Variants in SETBP1 observed in about 807,000 individuals in gnomAD.
The protein encoded by SETBP1 is SET-binding protein.
In SETBP1, 9 loss-of-function variants were observed where a neutral mutation model predicts 101.0. That is an observed-to-expected ratio of 0.09 (90% CI 0.05 to 0.16). The LOEUF is 0.16. SETBP1 is among the 10% of genes least tolerant of loss of function. The pLI is 1.00. For missense variants in SETBP1, 1,858 were observed against 2,033.8 expected, an observed-to-expected ratio of 0.91 and a Z score of 1.66; for synonymous variants, 818 against 788.5, an observed-to-expected ratio of 1.04 and a Z score of -0.63.
intron 2 of SETBP1, among the ~76,000 whole-genome samples, chr18:44,860,782 G>A (rs961672768): frequency 5.9e-5 from 9 of 151,724 alleles, no homozygotes; most frequent in African/African-American, 1.5e-4. Flanking sequence ...AGAAAGGGAA[G>A]GCATTTTCCC....
chr18:44,719,861 G>C (rs1028189495), intron 2 of SETBP1, among the ~76,000 whole-genome samples: 1 of 152,202 alleles, frequency 6.6e-6, no homozygotes, highest in Non-Finnish European at 1.5e-5. Flanking sequence ...AGACAGTCCA[G>C]CTGTGGGGGT....
intron 3 of SETBP1, among the ~76,000 whole-genome samples, chr18:44,886,690 AC>A (rs989843080): frequency 6.6e-6 from 1 of 151,480 alleles, no homozygotes. Flanking sequence ...GAAAAAACTC[AC>A]CTTTGGGATT....
chr18:44,949,571 T>G (rs561437035), intron 3 of SETBP1, among the ~76,000 whole-genome samples: 1 of 152,228 alleles, frequency 6.6e-6, no homozygotes, highest in Non-Finnish European at 1.5e-5. Context: ...GTGACCTTTG[T>G]GTCCCCTCCC....
In SETBP1 at chr18:44,686,230, T is replaced by C. The variant is rs1488391777; in HGVS notation, c.-173+5209T>C. On this transcript the variant is annotated intron_variant, in intron 1 of 5. Coordinates refer to ENST00000649279, the MANE Select transcript of SETBP1 (RefSeq NM_015559.3). ...GTGTCCCTCCTTTTACCCTTTCTCA[T>C]GAGAGCTGGTTTGCCCTGCCTGGCA... 5.3e-5 allele frequency among the ~76,000 whole-genome samples: 8 copies of C among 152,358 alleles called. 2 individuals are homozygous for C. Among genetic ancestry groups the C allele is most frequent in the Admixed American group, 5.2e-4 (8 of 15,304 alleles).
At chr18:44,688,070 C>G (rs915677437) in intron 1 of SETBP1, among the ~76,000 whole-genome samples, 1 of 152,064 alleles carries the variant, frequency 6.6e-6, no homozygotes, top group African/African-American at 2.4e-5. Flanking sequence ...TGATGAAGCA[C>G]CTGGGAGCAT....
chr18:44,929,310 C>A (rs1026594965), intron 3 of SETBP1, among the ~76,000 whole-genome samples: 1 of 152,178 alleles, frequency 6.6e-6, no homozygotes, highest in East Asian at 1.9e-4. Context: ...GTTTTGGTAG[C>A]AGTACCATGC....
chr18:45,028,723 T>C (rs1414953577), intron 4 of SETBP1, among the ~76,000 whole-genome samples: 1 of 152,238 alleles, frequency 6.6e-6, no homozygotes, highest in Non-Finnish European at 1.5e-5. Flanking sequence ...TGAGATGGTA[T>C]CTCATTGTGG....
chr18:44,847,775 T>C (rs1391962407), intron 2 of SETBP1, among the ~76,000 whole-genome samples: 1 of 152,120 alleles, frequency 6.6e-6, no homozygotes, highest in Admixed American at 6.5e-5. Context: ...TTAGAGATCA[T>C]GCTACAAAGA....
At chr18:45,048,879 G>A (rs2073667138) in intron 5 of SETBP1, among the ~76,000 whole-genome samples, 1 of 146,744 alleles carries the variant, frequency 6.8e-6, no homozygotes, top group African/African-American at 2.5e-5. Context: ...GGCTGAGGCA[G>A]GAGAATGGCG....
chr18:44,849,718 C>A (rs1390869962), intron 2 of SETBP1, among the ~76,000 whole-genome samples: 2 of 152,138 alleles, frequency 1.3e-5, no homozygotes, highest in African/African-American at 4.8e-5. Context: ...ATCTTCATCA[C>A]TTTCTAACTG....
chr18:44,811,767 C>G (rs897325346), intron 2 of SETBP1, among the ~76,000 whole-genome samples: 2 of 152,202 alleles, frequency 1.3e-5, no homozygotes, highest in African/African-American at 4.8e-5. Context: ...GTGAGGACTA[C>G]AAGCCTGCCA....
In SETBP1 at chr18:45,060,954, C is replaced by T. The variant is rs140816027; in HGVS notation, c.4172-2125C>T. 8.5e-5 allele frequency among the ~76,000 whole-genome samples: 13 copies of T among 152,324 alleles called. No individual in the cohort carries two copies. In the East Asian group the frequency reaches 2.5e-3, roughly 29 times the overall value. On this transcript the variant is annotated intron_variant, in intron 5 of 5. Coordinates refer to ENST00000649279, the MANE Select transcript of SETBP1 (RefSeq NM_015559.3). ...TGATTTACTTTATACTTCTATATTA[C>T]ATGTCAGCAAGGTGATTTACTTTAT...
At position 45,063,947 on chromosome 18, in the gene SETBP1, A is replaced by ACGGCTGGATC. The variant is rs1183849427; in HGVS notation, c.*251_*260dup. On this transcript the variant is annotated 3_prime_UTR_variant, in exon 6 of 6. Coordinates refer to ENST00000649279, the MANE Select transcript of SETBP1 (RefSeq NM_015559.3). ...AGCTCCCACCACGCGGCGCTTCAGTACGGCTGGATCCTCCGCAGGCGAGCG... is the reference window on the plus strand; with the variant it reads ...AGCTCCCACCACGCGGCGCTTCAGTACGGCTGGATCCGGCTGGATCCTCCGCAGGCGAGCG... 1 of 434,348 alleles carries ACGGCTGGATC rather than the reference A, an allele frequency of 2.3e-6. No homozygotes were observed. The highest frequency in any genetic ancestry group is 2.1e-5 in the African/African-American group (1 of 48,524). 26.9% of individuals were successfully genotyped at this position (434,348 alleles called of 1,614,324 possible).
intron 3 of SETBP1, among the ~76,000 whole-genome samples, chr18:44,925,519 TCTC>T (rs941309991): frequency 2.6e-5 from 4 of 152,178 alleles, no homozygotes; most frequent in Admixed American, 2.6e-4. Flanking sequence ...TGTTTTCTGT[TCTC>T]CTTCCTTTCT....
chr18:44,923,600 G>T (rs992465279), intron 3 of SETBP1, among the ~76,000 whole-genome samples: 2 of 152,168 alleles, frequency 1.3e-5, no homozygotes, highest in Admixed American at 6.5e-5. Context: ...AAAAGTCAGG[G>T]TTATTCCATT....
At chr18:44,994,539 T>C (rs903290720) in intron 4 of SETBP1, among the ~76,000 whole-genome samples, 3 of 152,234 alleles carry the variant, frequency 2.0e-5, no homozygotes, top group African/African-American at 7.2e-5. Context: ...TTCCTCCATG[T>C]CTGTTCTCAC....
intron 5 of SETBP1, among the ~76,000 whole-genome samples, chr18:45,059,190 T>C (rs1183085523): frequency 1.3e-5 from 2 of 152,204 alleles, no homozygotes; most frequent in Admixed American, 6.5e-5. Flanking sequence ...ACAGTCAATC[T>C]TGTTTCATCA....
At chr18:44,711,414 C>T (rs1285469808) in intron 2 of SETBP1, among the ~76,000 whole-genome samples, 1 of 147,372 alleles carries the variant, frequency 6.8e-6, no homozygotes, top group Non-Finnish European at 1.5e-5. Flanking sequence ...CTTCCTCCCT[C>T]CCTCCCTTTC....
intron 4 of SETBP1, chr18:44,986,177 C>G (rs1422685190): frequency 6.6e-6 from 1 of 152,168 alleles, no homozygotes; most frequent in Non-Finnish European, 1.5e-5. Context: ...GGATACAAAC[C>G]TGCCCAGCAT....
Sources: gnomAD v4.1 joint callset for allele counts (sites outside exome capture counted in the v4.1 genomes callset) on GRCh38, gnomAD v4.1.1 for gene constraint, MANE v1.5 for transcripts, NCBI Gene and HGNC (gene_info 2026-07-23, HGNC 2026-07-21) for gene names.